The following UPF2 variants were observed in gnomAD, a reference collection of about 807,000 sequenced individuals.
UPF2 encodes UPF2 regulator of nonsense mediated mRNA decay.
Under a neutral mutation model 141.4 loss-of-function variants are expected in UPF2, and 17 were observed. The ratio of observed to expected loss-of-function variants is 0.12; its 90% CI spans 0.08 to 0.18. The LOEUF is 0.18. UPF2 is among the 10% of genes least tolerant of loss of function. The pLI is 1.00. For missense variants in UPF2, 1,152 were observed against 1,515.9 expected (o/e 0.76, Z 3.99); for synonymous variants, 540 against 498.0 (o/e 1.08, Z -1.12).
rs1201513404 is a variant in UPF2, at chr10:12,029,054, G to C, written c.836C>G (p.Thr279Ser). The stretch of plus-strand genomic sequence containing the variant: ...GATTAAGGAAAGACCTTCCTTGTCA[G>C]TGAAAATCCCAACTATTGTCAATTC... Reference protein sequence around the residue: ...IAELTIVGIFTDKEGLSLIYE... With the variant: ...IAELTIVGIFSDKEGLSLIYE... The change falls in exon 3 of 22, where the codon ACT (threonine) becomes AGT (serine). Residue 279 changes from threonine (T) to serine (S), a missense_variant. This residue lies in a region of UPF2 where 739 missense variants were observed against 1,032.2 expected (regional missense o/e 0.72). Transcript: ENST00000357604. The C allele has an allele frequency of 6.2e-7, 1 of 1,614,186 alleles. No individual in the cohort carries two copies. The highest frequency in any genetic ancestry group is 8.5e-7 in the Non-Finnish European group (1 of 1,180,036).
chr10:11,990,080 T>G (rs1253930598), intron 8 of UPF2, among the ~76,000 whole-genome samples: 1 of 152,152 alleles, frequency 6.6e-6, no homozygotes, highest in East Asian at 1.9e-4. Context: ...GAAAAAAAAG[T>G]CTGGCTGAAG....
At position 12,042,745 on chromosome 10, in the gene UPF2, C is replaced by T. The variant is rs1834761269; in HGVS notation, c.-19+10G>A. ...TGGAGCGGAGGGGAAGGAGGATCCC[C>T]GGGACTCACCTCGAGCCTGTTGTCA... On this transcript the variant is annotated intron_variant, in intron 1 of 21. Transcript: ENST00000357604. This position sits in a 1 kb window ranked among gnomAD's most constrained non-coding sequence, Gnocchi z 5.5. 6.6e-6 allele frequency: 1 copy of T among 152,412 alleles called. No homozygotes were observed. Among genetic ancestry groups the T allele is most frequent in the South Asian group, 2.1e-4 (1 of 4,824 alleles). The allele number at this position is 152,412 out of a possible 1,614,324, so 9.4% of individuals were successfully genotyped here.
chr10:11,947,735 T>C (rs1833019859), intron 16 of UPF2, among the ~76,000 whole-genome samples: 2 of 133,770 alleles, frequency 1.5e-5, no homozygotes, highest in South Asian at 4.6e-4. Context: ...TGCAGTGAAC[T>C]ATGATCACAC....
chr10:12,022,858 A>T (rs1014858754), intron 3 of UPF2, among the ~76,000 whole-genome samples: 1 of 152,224 alleles, frequency 6.6e-6, no homozygotes, highest in East Asian at 1.9e-4. Context: ...GAAACCTCTG[A>T]CTTTTTTTTT....
intron 14 of UPF2, 152 bp from the exon 15 acceptor site, chr10:11,952,401 T>C (rs1287391261): frequency 7.8e-6 from 5 of 637,480 alleles, no homozygotes; most frequent in Admixed American, 6.7e-5. Context: ...TCAACAGCAA[T>C]GATCCTATTC....
Position 12,029,389 on chromosome 10 carries a change from A to G in UPF2, c.501T>C (p.Ser167=). ...TGACAAAAGCAGTATTTTTCTTCAA[A>G]CTTGAGTCGAGGCGGCTGAAGAAGT... ...EENFFSRLDS[S]LKKNTAFVKK... The change falls in exon 3 of 22, where the codon AGT becomes AGC. Residue 167 remains serine (S), a synonymous_variant. Coordinates refer to ENST00000357604, the MANE Select transcript of UPF2 (RefSeq NM_015542.4). 1.2e-6 allele frequency: 2 copies of G among 1,614,176 alleles called. No homozygotes were observed. Among genetic ancestry groups the G allele is most frequent in the Non-Finnish European group, 1.7e-6 (2 of 1,180,030 alleles).
At chr10:11,971,656 CTTGT>C (rs1335430394) in intron 9 of UPF2, among the ~76,000 whole-genome samples, 1 of 152,170 alleles carries the variant, frequency 6.6e-6, no homozygotes, top group Non-Finnish European at 1.5e-5. Flanking sequence ...AATAATGCCT[CTTGT>C]AAGATTTTAC....
At chr10:11,941,646 C>T (rs946848334) in intron 18 of UPF2, among the ~76,000 whole-genome samples, 1 of 152,138 alleles carries the variant, frequency 6.6e-6, no homozygotes, top group African/African-American at 2.4e-5. Context: ...CAAAACTCCT[C>T]AAGACTTATC....
Position 11,936,200 on chromosome 10 carries a change from T to C in UPF2, c.3546+345A>G, listed in dbSNP as rs1832847755. 6.6e-6 allele frequency among the ~76,000 whole-genome samples: 1 copy of C among 151,908 alleles called. No homozygotes were observed. Among genetic ancestry groups the C allele is most frequent in the Admixed American group, 6.6e-5 (1 of 15,240 alleles). On this transcript the variant is annotated intron_variant, in intron 19 of 21. Coordinates refer to ENST00000357604, the MANE Select transcript of UPF2 (RefSeq NM_015542.4). The surrounding 1 kb of genome is among the most constrained non-coding windows in gnomAD (Gnocchi z 6.6). ...GCCTGGCCAACATGGTGAAACCTTG[T>C]CTCTACTAAAAATACAAAAATTAGC...
At chr10:12,017,645 G>C (rs1834245975) in intron 3 of UPF2, among the ~76,000 whole-genome samples, 1 of 152,182 alleles carries the variant, frequency 6.6e-6, no homozygotes, top group Non-Finnish European at 1.5e-5. Flanking sequence ...TAATGAGTGT[G>C]TACTTAAGTT....
intron 4 of UPF2, among the ~76,000 whole-genome samples, chr10:12,011,818 G>T (rs1194391287): frequency 6.6e-6 from 1 of 151,280 alleles, no homozygotes; most frequent in African/African-American, 2.4e-5. Context: ...AGTGGCACAT[G>T]CCTGTAATCC....
At chr10:12,034,327 AT>A (rs879908366) in intron 2 of UPF2, among the ~76,000 whole-genome samples, 122,567 of 151,008 alleles carry the variant, frequency 0.81, 50,463 homozygotes, top group Non-Finnish European at 0.89. Context: ...TTATTATTTT[AT>A]TTTTTTTTTT....
At chr10:12,039,622 CT>C (rs747946922) in intron 1 of UPF2, among the ~76,000 whole-genome samples, 277 of 140,730 alleles carry the variant, frequency 2.0e-3, no homozygotes, top group African/African-American at 3.8e-3. Flanking sequence ...CTCTCTCTCT[CT>C]TTTTTTTTTT....
chr10:11,973,080 C>G (rs1277740244), intron 9 of UPF2, among the ~76,000 whole-genome samples: 1 of 152,190 alleles, frequency 6.6e-6, no homozygotes, highest in African/African-American at 2.4e-5. Flanking sequence ...GCCATTCTAA[C>G]TGGTGTGAGA....
Position 11,979,187 on chromosome 10 carries a change from T to G in UPF2, c.1845-22A>C. ...CAACCTGCAAAAGTTATATGTGATA[T>G]GTGTCAAAGGAAAGACATATCAAAA... On this transcript the variant is annotated intron_variant, in intron 8 of 21. Transcript: ENST00000357604. This position sits in a 1 kb window ranked among gnomAD's most constrained non-coding sequence, Gnocchi z 6.2. The G allele has an allele frequency of 6.4e-7, 1 of 1,563,184 alleles. No homozygotes were observed. The highest frequency in any genetic ancestry group is 1.7e-4 in the Middle Eastern group (1 of 5,946).
intron 16 of UPF2, among the ~76,000 whole-genome samples, chr10:11,945,557 T>TG (rs1279304468): frequency 6.6e-6 from 1 of 152,234 alleles, no homozygotes; most frequent in Admixed American, 6.5e-5. Context: ...AACCTCCCTC[T>TG]GCACATTTTG....
intron 16 of UPF2, 92 bp from the exon 17 acceptor site, chr10:11,943,260 T>C: frequency 1.8e-6 from 2 of 1,090,550 alleles, no homozygotes; most frequent in Non-Finnish European, 2.7e-6. Flanking sequence ...TTCTGTATAA[T>C]TGTTTATTAT....
At chr10:11,934,394 T>G (rs1832818164) in intron 19 of UPF2, among the ~76,000 whole-genome samples, 1 of 152,080 alleles carries the variant, frequency 6.6e-6, no homozygotes, top group Non-Finnish European at 1.5e-5. Context: ...AGCCCAACCC[T>G]GGTCGAAGGA....
intron 12 of UPF2, among the ~76,000 whole-genome samples, chr10:11,957,603 G>A (rs572574515): frequency 1.3e-5 from 2 of 151,660 alleles, no homozygotes; most frequent in African/African-American, 4.8e-5. Context: ...ACAACCCTCC[G>A]CCTCCAGGGT....
Sources: allele counts gnomAD v4.1 joint callset (sites outside exome capture counted in the v4.1 genomes callset), GRCh38; gene constraint gnomAD v4.1.1; regional missense constraint gnomAD v4.1.1; non-coding constraint Gnocchi (gnomAD v3.1); transcripts MANE v1.5; gene names NCBI Gene and HGNC (gene_info 2026-07-23, HGNC 2026-07-21).